The following SLC35B4 variants were observed in gnomAD, a reference collection of about 807,000 sequenced individuals.
SLC35B4 encodes nucleotide sugar transporter SLC35B4.
Under a neutral mutation model 39.5 loss-of-function variants are expected in SLC35B4, and 28 were observed. The ratio of observed to expected loss-of-function variants is 0.71; its 90% CI spans 0.53 to 0.97. The LOEUF is 0.97. SLC35B4 is among the 50% of genes least tolerant of loss of function. The probability of loss-of-function intolerance (pLI) is 0.00; values close to 1 mark genes in which losing one functional copy is unlikely to be tolerated. For synonymous variants in SLC35B4, 145 were observed against 150.4 expected, an observed-to-expected ratio of 0.96 and a Z score of 0.26; for missense variants, 334 against 414.3, an observed-to-expected ratio of 0.81 and a Z score of 1.68.
Position 134,291,395 on chromosome 7 carries a change from A to G in SLC35B4, c.*3438T>C, listed in dbSNP as rs1230181667. 6.6e-6 allele frequency: 1 copy of G among 152,224 alleles called. No homozygotes were observed. The highest frequency in any genetic ancestry group is 2.4e-5 in the African/African-American group (1 of 41,458). 9.4% of individuals were successfully genotyped at this position (152,224 alleles called of 1,614,324 possible). On this transcript the variant is annotated 3_prime_UTR_variant, in exon 10 of 10. Coordinates refer to ENST00000378509, the MANE Select transcript of SLC35B4 (RefSeq NM_032826.5). ...CAGGGGCCCCAAAGAAGAGAGGCAT[A>G]AACAGATACAAGATGATAAGTCTTT... is the stretch of plus-strand genomic sequence containing the variant.
In SLC35B4 at chr7:134,290,241, C is replaced by A. The variant is rs1201614255; in HGVS notation, c.*4592G>T. ...CAAAAGTGAGGTAGCAGGCTGCACA[C>A]TGAGCAATCTCTGGTGTACCTCCTC... is the stretch of plus-strand genomic sequence containing the variant. On this transcript the variant is annotated 3_prime_UTR_variant, in exon 10 of 10. Coordinates refer to ENST00000378509, the MANE Select transcript of SLC35B4 (RefSeq NM_032826.5). 1.3e-5 allele frequency: 2 copies of A among 152,362 alleles called. No individual in the cohort carries two copies. Among genetic ancestry groups the A allele is most frequent in the East Asian group, 3.9e-4 (2 of 5,188 alleles). The allele number at this position is 152,362 out of a possible 1,614,324, so 9.4% of individuals were successfully genotyped here. A position where few individuals can be genotyped will look rare whatever the true frequency, so the allele number is the denominator to read the frequency against.
chr7:134,299,826 A>G (rs1563215192), intron 7 of SLC35B4, among the ~76,000 whole-genome samples: 1 of 152,218 alleles, frequency 6.6e-6, no homozygotes, highest in East Asian at 1.9e-4. Context: ...GAGGGCCATC[A>G]CAGACAAAGC....
chr7:134,312,700 G>C (rs538402997), intron 1 of SLC35B4, among the ~76,000 whole-genome samples: 1 of 152,256 alleles, frequency 6.6e-6, no homozygotes, highest in East Asian at 1.9e-4. Context: ...TTTAAAAAGG[G>C]CATCTTAATA....
chr7:134,305,255 G>A (rs192157470), intron 3 of SLC35B4, among the ~76,000 whole-genome samples: 134 of 152,064 alleles, frequency 8.8e-4, no homozygotes, highest in African/African-American at 3.0e-3. Context: ...CCCGGGAAGT[G>A]GAGGTTGCAG....
chr7:134,311,066 G>C (rs1803825681), intron 1 of SLC35B4, among the ~76,000 whole-genome samples: 1 of 152,144 alleles, frequency 6.6e-6, no homozygotes, highest in African/African-American at 2.4e-5. Context: ...ACAGAACTAG[G>C]CTTACTAACT....
upstream of SLC35B4, among the ~76,000 whole-genome samples, chr7:134,318,028 A>C (rs950508048): frequency 7.9e-5 from 12 of 152,180 alleles, no homozygotes; most frequent in African/African-American, 2.9e-4. Flanking sequence ...GGAATGCTAT[A>C]TTGTTTTTGC....
At chr7:134,316,955 G>A (rs1251740449), upstream of SLC35B4, 18 of 582,674 alleles carry the variant, frequency 3.1e-5, no homozygotes, top group African/African-American at 5.7e-5. Flanking sequence ...AGTCAGCTTC[G>A]GTCCCATTCA....
intron 1 of SLC35B4, among the ~76,000 whole-genome samples, chr7:134,314,396 A>C (rs1803920465): frequency 6.6e-6 from 1 of 152,216 alleles, no homozygotes; most frequent in Non-Finnish European, 1.5e-5. Flanking sequence ...ACTAGTAAAG[A>C]GGGGATTCAG....
Position 134,292,212 on chromosome 7 carries a change from A to G in SLC35B4, c.*2621T>C, listed in dbSNP as rs1803346267. 1 of 154,474 alleles carries G rather than the reference A, an allele frequency of 6.5e-6. No homozygotes were observed. The highest frequency in any genetic ancestry group is 2.4e-5 in the African/African-American group (1 of 41,514). 9.6% of individuals were successfully genotyped at this position (154,474 alleles called of 1,614,324 possible). A position where few individuals can be genotyped will look rare whatever the true frequency, so the allele number is the denominator to read the frequency against. On this transcript the variant is annotated 3_prime_UTR_variant, in exon 10 of 10. Transcript: ENST00000378509. ...TTGTCTTTTTAATAAAGGTTGAAAA[A>G]ATGTCCACCCTGGATTAAAAAATCA...
chr7:134,318,903 TG>T (rs1238172651), upstream of SLC35B4, among the ~76,000 whole-genome samples: 28 of 152,350 alleles, frequency 1.8e-4, no homozygotes, highest in African/African-American at 5.3e-4. Flanking sequence ...GTTAATCACT[TG>T]GGGATCTTGT....
chr7:134,305,586 A>G (rs904730710), intron 3 of SLC35B4, among the ~76,000 whole-genome samples: 1 of 152,176 alleles, frequency 6.6e-6, no homozygotes, highest in South Asian at 2.1e-4. Context: ...GATATCACAG[A>G]CTTATTTTTG....
At position 134,294,687 on chromosome 7, in the gene SLC35B4, G is replaced by T; in HGVS notation, c.*146C>A. ...GTCTACATGTGTCAGTCTGAGCAAC[G>T]TGAGAAGTCCCCTCCTGAAGATTTC... On this transcript the variant is annotated 3_prime_UTR_variant, in exon 10 of 10. Transcript: ENST00000378509. The T allele has an allele frequency of 2.0e-6, 2 of 982,182 alleles. No individual in the cohort carries two copies. The highest frequency in any genetic ancestry group is 3.0e-6 in the Non-Finnish European group (2 of 677,514). 60.8% of individuals were successfully genotyped at this position (982,182 alleles called of 1,614,324 possible). A position where few individuals can be genotyped will look rare whatever the true frequency, so the allele number is the denominator to read the frequency against.
chr7:134,304,103 G>C (rs1318061887), intron 4 of SLC35B4, among the ~76,000 whole-genome samples: 3 of 152,194 alleles, frequency 2.0e-5, no homozygotes, highest in Non-Finnish European at 4.4e-5. Context: ...TGAGATGTTA[G>C]AAATGTTCCA....
chr7:134,317,716 C>G (rs3823560), upstream of SLC35B4, among the ~76,000 whole-genome samples: 17,238 of 152,216 alleles, frequency 0.11, 2,576 homozygotes, highest in African/African-American at 0.34. Flanking sequence ...TCTCATAGCA[C>G]TTACAATCTG....
At chr7:134,315,992 C>CATT (rs1554485582) in intron 1 of SLC35B4, among the ~76,000 whole-genome samples, 2 of 148,410 alleles carry the variant, frequency 1.3e-5, no homozygotes, top group African/African-American at 5.0e-5. Flanking sequence ...CTTCTACTTG[C>CATT]TTTTTTTTTT....
chr7:134,302,196 T>C (rs1267497105), intron 4 of SLC35B4, 86 bp from the exon 5 acceptor site: 7 of 1,130,086 alleles, frequency 6.2e-6, no homozygotes, highest in African/African-American at 1.6e-5. Context: ...AGATGGTGCA[T>C]GAAAGTACAA....
At chr7:134,301,953 T>G (rs1206098820) in intron 5 of SLC35B4, 76 bp downstream of exon 5, 12 of 1,531,586 alleles carry the variant, frequency 7.8e-6, no homozygotes, top group Non-Finnish European at 1.1e-5. Flanking sequence ...ACATAAAAAT[T>G]TGAATTGTAT....
At chr7:134,299,683 A>G in intron 7 of SLC35B4, 85 bp from the exon 8 acceptor site, 1 of 1,190,368 alleles carries the variant, frequency 8.4e-7, no homozygotes, top group Non-Finnish European at 1.2e-6. Flanking sequence ...TAAAAGTCGT[A>G]CAGGTTGTTT....
chr7:134,313,258 A>G (rs748225801), intron 1 of SLC35B4, among the ~76,000 whole-genome samples: 1 of 152,230 alleles, frequency 6.6e-6, no homozygotes, highest in Non-Finnish European at 1.5e-5. Context: ...TCTTACTTTG[A>G]ATTCTCTTGG....
Sources: allele counts gnomAD v4.1 joint callset (sites outside exome capture counted in the v4.1 genomes callset), GRCh38; gene constraint gnomAD v4.1.1; transcripts MANE v1.5; gene names NCBI Gene and HGNC (gene_info 2026-07-23, HGNC 2026-07-21).